The following UBE3D variants were observed in gnomAD, a reference collection of about 807,000 sequenced individuals.
The protein encoded by UBE3D is E3 ubiquitin-protein ligase E3D.
In UBE3D, 48 loss-of-function variants were observed where a neutral mutation model predicts 49.6. The observed-to-expected ratio is 0.97, with a 90% CI of 0.77 to 1.23. The LOEUF (loss-of-function observed/expected upper bound fraction) is 1.23, where lower values mean the gene tolerates loss of function less well. Ranked by LOEUF, UBE3D falls within the 50% of genes most tolerant of loss-of-function variation. The pLI is 0.00. For missense variants in UBE3D, 452 were observed against 468.4 expected (o/e 0.96, Z 0.32); for synonymous variants, 189 against 174.2 (o/e 1.08, Z -0.67).
At chr6:82,980,340 A>C (rs1248545146) in intron 8 of UBE3D, among the ~76,000 whole-genome samples, 2 of 151,988 alleles carry the variant, frequency 1.3e-5, no homozygotes, top group Non-Finnish European at 1.5e-5. Flanking sequence ...ATGATTAGTG[A>C]TGTTAAGTAT....
At chr6:83,041,321 C>T (rs1250852494) in intron 4 of UBE3D, among the ~76,000 whole-genome samples, 1 of 152,170 alleles carries the variant, frequency 6.6e-6, no homozygotes, top group African/African-American at 2.4e-5. Context: ...CCTTATCAGA[C>T]ATGGGTAATC....
intron 8 of UBE3D, among the ~76,000 whole-genome samples, chr6:82,993,712 G>T (rs1032711750): frequency 3.9e-5 from 6 of 152,130 alleles, no homozygotes; most frequent in Non-Finnish European, 8.8e-5. Context: ...AGGGTTAACT[G>T]TACATTCTCC....
At position 83,024,612 on chromosome 6, in the gene UBE3D, G is replaced by A. The variant is rs146194042; in HGVS notation, c.668-574C>T. ...CATTCAGGGATCCACTGGACCCACC[G>A]TGAGATGGACCTGAGTTAAAACTCT... On this transcript the variant is annotated intron_variant, in intron 5 of 9. Coordinates refer to ENST00000369747, the MANE Select transcript of UBE3D (RefSeq NM_198920.3). Among the ~76,000 whole-genome samples, 84 of 152,210 alleles carry A rather than the reference G, an allele frequency of 5.5e-4. No individual in the cohort carries two copies. The East Asian group carries it at 0.011, about 19-fold the overall frequency.
intron 1 of UBE3D, 107 bp from the exon 2 acceptor site, chr6:83,058,129 C>T: frequency 9.0e-7 from 1 of 1,112,190 alleles, no homozygotes; most frequent in Non-Finnish European, 1.3e-6. Flanking sequence ...TCAATAGGAG[C>T]TCTAAAGTCA....
At chr6:83,060,019 T>C (rs1283003871) in intron 1 of UBE3D, among the ~76,000 whole-genome samples, 3 of 152,138 alleles carry the variant, frequency 2.0e-5, no homozygotes, top group Non-Finnish European at 2.9e-5. Context: ...GTAAGGAAGT[T>C]CAGTGCCTCT....
intron 5 of UBE3D, among the ~76,000 whole-genome samples, chr6:83,029,026 TTTTAC>T (rs536016749): frequency 5.7e-4 from 87 of 152,298 alleles, no homozygotes; most frequent in African/African-American, 2.0e-3. Flanking sequence ...GTTTTTCTCT[TTTTAC>T]TTTAAAGATT....
chr6:82,944,130 T>G (rs752536211), intron 9 of UBE3D, among the ~76,000 whole-genome samples: 1 of 151,294 alleles, frequency 6.6e-6, no homozygotes, highest in Non-Finnish European at 1.5e-5. Flanking sequence ...AGACACTAGC[T>G]GGGGCAGCTA....
At chr6:83,046,244 T>C (rs1034640212) in intron 3 of UBE3D, among the ~76,000 whole-genome samples, 1 of 152,090 alleles carries the variant, frequency 6.6e-6, no homozygotes, top group Non-Finnish European at 1.5e-5. Context: ...TTTTTTTTTT[T>C]AACAATTCCC....
intron 9 of UBE3D, among the ~76,000 whole-genome samples, chr6:82,897,520 G>T (rs1771417674): frequency 6.6e-6 from 1 of 152,150 alleles, no homozygotes; most frequent in African/African-American, 2.4e-5. Flanking sequence ...GAACCCAGGA[G>T]GCAGAGGTTG....
intron 2 of UBE3D, among the ~76,000 whole-genome samples, chr6:83,057,199 G>A (rs1783870417): frequency 6.6e-6 from 1 of 152,126 alleles, no homozygotes; most frequent in African/African-American, 2.4e-5. Context: ...CAGGACTCAG[G>A]TCAAACATTA....
At chr6:83,018,189 C>T (rs1357785897) in intron 8 of UBE3D, 2 of 152,162 alleles carry the variant, frequency 1.3e-5, no homozygotes, top group South Asian at 2.1e-4. Flanking sequence ...TAAATTTGAT[C>T]AAACCCATCT....
At chr6:82,963,342 G>A (rs1488111258) in intron 8 of UBE3D, among the ~76,000 whole-genome samples, 2 of 151,984 alleles carry the variant, frequency 1.3e-5, no homozygotes, top group African/African-American at 2.4e-5. Context: ...TAAAGCCAGA[G>A]GTGTCATTTG....
chr6:82,881,507 G>C, the UBE3D span, among the ~76,000 whole-genome samples: 1 of 152,148 alleles, frequency 6.6e-6, no homozygotes, highest in Admixed American at 6.6e-5. Flanking sequence ...CCACCTTCAA[G>C]GGGAGGAAGA....
chr6:83,018,366 T>C (rs561369413), intron 8 of UBE3D: 1 of 152,342 alleles, frequency 6.6e-6, no homozygotes, highest in African/African-American at 2.4e-5. Context: ...CTTTGCAATA[T>C]AAAATGACAT....
intron 3 of UBE3D, among the ~76,000 whole-genome samples, chr6:83,045,524 C>T (rs1556848): frequency 0.78 from 118,157 of 151,928 alleles, 46,101 homozygotes; most frequent in East Asian, 0.91. Context: ...GTATTAGCCT[C>T]ATGCTTATTA....
intron 1 of UBE3D, among the ~76,000 whole-genome samples, chr6:83,064,443 G>T (rs960903625): frequency 6.6e-6 from 1 of 152,072 alleles, no homozygotes; most frequent in Non-Finnish European, 1.5e-5. Context: ...GGCCAGGATG[G>T]TCTTGATCTC....
At chr6:82,936,017 A>G (rs1255645572) in intron 9 of UBE3D, among the ~76,000 whole-genome samples, 1 of 152,168 alleles carries the variant, frequency 6.6e-6, no homozygotes, top group Non-Finnish European at 1.5e-5. Context: ...GGAACCAGGA[A>G]AAATAATACA....
intron 3 of UBE3D, among the ~76,000 whole-genome samples, chr6:83,047,631 T>C (rs527626455): frequency 2.0e-4 from 30 of 152,360 alleles, no homozygotes; most frequent in African/African-American, 6.5e-4. Flanking sequence ...GAATGTGGCC[T>C]GTGGTAGCCT....
chr6:82,889,596 C>A (rs1313234889), downstream of UBE3D, among the ~76,000 whole-genome samples: 2 of 152,070 alleles, frequency 1.3e-5, no homozygotes, highest in African/African-American at 4.8e-5. Context: ...AGTATACATA[C>A]ACTTTAAGCT....
Sources: allele counts gnomAD v4.1 joint callset (sites outside exome capture counted in the v4.1 genomes callset), GRCh38; gene constraint gnomAD v4.1.1; transcripts MANE v1.5; gene names NCBI Gene and HGNC (gene_info 2026-07-23, HGNC 2026-07-21).